The following PTPRM variants were observed in gnomAD, a reference collection of about 807,000 sequenced individuals.
PTPRM encodes protein tyrosine phosphatase receptor type M.
PTPRM carries 47 observed loss-of-function variants against 186.7 expected under a neutral mutation model. The observed-to-expected ratio is 0.25, with a 90% CI of 0.20 to 0.32. PTPRM has a LOEUF of 0.32. Among genes scored for constraint, PTPRM ranks in the 10% least tolerant of loss-of-function variants. PTPRM has a pLI of 1.00. For synonymous variants in PTPRM, 668 were observed against 674.9 expected (o/e 0.99, Z 0.16); for missense variants, 1,494 against 1,865.0 (o/e 0.80, Z 3.66).
At chr18:7,737,658 G>T (rs768922541) in intron 1 of PTPRM, among the ~76,000 whole-genome samples, 1 of 152,208 alleles carries the variant, frequency 6.6e-6, no homozygotes, top group Non-Finnish European at 1.5e-5. Context: ...TGTGTGTTCA[G>T]TGCTGGGGCC....
At chr18:7,876,138 G>A (rs1263292345) in intron 2 of PTPRM, among the ~76,000 whole-genome samples, 1 of 146,152 alleles carries the variant, frequency 6.8e-6, no homozygotes, top group Admixed American at 6.7e-5. Context: ...GTGTGTGTGT[G>A]CATGTGTGTG....
intron 14 of PTPRM, among the ~76,000 whole-genome samples, chr18:8,219,516 GA>G (rs1343627024): frequency 2.0e-5 from 3 of 151,912 alleles, no homozygotes; most frequent in Non-Finnish European, 4.4e-5. Context: ...GTGGCCCAAG[GA>G]AAAACAGTCT....
At chr18:7,954,206 C>T (rs1383483042) in intron 6 of PTPRM, among the ~76,000 whole-genome samples, 2 of 152,224 alleles carry the variant, frequency 1.3e-5, no homozygotes, top group East Asian at 1.9e-4. Context: ...AGGAAAGAGT[C>T]GGTCTCAGAT....
intron 22 of PTPRM, among the ~76,000 whole-genome samples, chr18:8,343,213 A>C (rs2095485175): frequency 6.6e-6 from 1 of 152,240 alleles, no homozygotes; most frequent in Admixed American, 6.5e-5. Flanking sequence ...TGATGACATG[A>C]GAAAATTCAG....
chr18:8,174,963 C>T (rs1012287024), intron 14 of PTPRM, among the ~76,000 whole-genome samples: 1 of 152,266 alleles, frequency 6.6e-6, no homozygotes, highest in African/African-American at 2.4e-5. Context: ...AACTCAATAT[C>T]ACTTTCCATT....
intron 1 of PTPRM, among the ~76,000 whole-genome samples, chr18:7,610,371 A>C (rs2037642839): frequency 1.3e-5 from 2 of 151,964 alleles, no homozygotes; most frequent in Non-Finnish European, 2.9e-5. Context: ...TCCGTTTTAG[A>C]ATTTTTTTTT....
intron 2 of PTPRM, among the ~76,000 whole-genome samples, chr18:7,826,572 G>A (rs577945453): frequency 6.6e-6 from 1 of 152,266 alleles, no homozygotes; most frequent in African/African-American, 2.4e-5. Context: ...TAAAGATGTT[G>A]AATATTTCAT....
chr18:8,083,680 C>T (rs572324781), intron 9 of PTPRM, among the ~76,000 whole-genome samples: 11 of 152,268 alleles, frequency 7.2e-5, no homozygotes, highest in African/African-American at 2.6e-4. Context: ...TATTTACCTG[C>T]TGGCCATGGT....
At chr18:8,115,451 C>T (rs917123062) in intron 13 of PTPRM, among the ~76,000 whole-genome samples, 12 of 152,228 alleles carry the variant, frequency 7.9e-5, no homozygotes, top group East Asian at 1.9e-4. Context: ...CAAGTGCAGA[C>T]GTGTGTTTGT....
At chr18:8,401,011 T>A (rs1023342571) in intron 32 of PTPRM, among the ~76,000 whole-genome samples, 7 of 152,158 alleles carry the variant, frequency 4.6e-5, no homozygotes, top group South Asian at 4.2e-4. Context: ...GAGGAAGGTT[T>A]GTAATAATTT....
At chr18:7,960,265 A>C (rs2053570794) in intron 7 of PTPRM, among the ~76,000 whole-genome samples, 1 of 152,080 alleles carries the variant, frequency 6.6e-6, no homozygotes, top group Non-Finnish European at 1.5e-5. Context: ...TGTGTCCTTT[A>C]GCATTAATAT....
At chr18:7,612,238 G>GT (rs1016602303) in intron 1 of PTPRM, among the ~76,000 whole-genome samples, 4 of 152,096 alleles carry the variant, frequency 2.6e-5, no homozygotes, top group African/African-American at 9.7e-5. Context: ...TTATGCTACA[G>GT]TTTACTTTTG....
At chr18:7,701,469 G>A (rs113965693) in intron 1 of PTPRM, among the ~76,000 whole-genome samples, 21 of 147,908 alleles carry the variant, frequency 1.4e-4, no homozygotes, top group South Asian at 2.2e-4. Flanking sequence ...GCGTGGTGGC[G>A]CGTGCGTGTA....
chr18:7,629,480 A>G (rs961077202), intron 1 of PTPRM, among the ~76,000 whole-genome samples: 1 of 152,178 alleles, frequency 6.6e-6, no homozygotes, highest in African/African-American at 2.4e-5. Flanking sequence ...AATCAACACA[A>G]TAGGGGACCT....
intron 19 of PTPRM, among the ~76,000 whole-genome samples, chr18:8,281,106 C>G (rs1259996490): frequency 6.6e-6 from 1 of 152,208 alleles, no homozygotes; most frequent in African/African-American, 2.4e-5. Context: ...GAAGGGCCCC[C>G]TGCTCAATGA....
At chr18:8,035,588 A>G (rs2086271421) in intron 7 of PTPRM, among the ~76,000 whole-genome samples, 4 of 151,986 alleles carry the variant, frequency 2.6e-5, no homozygotes, top group African/African-American at 9.7e-5. Context: ...TTTTTCCCCC[A>G]ATATTTTTGG....
rs1371267114 is a variant in PTPRM at position 7,705,278 on chromosome 18, T to TC, written c.74-68871_74-68870insC. On this transcript the variant is annotated intron_variant, in intron 1 of 32. Transcript: ENST00000580170. Reference sequence around the variant, plus strand: ...TATCTAAAATATTTGAAAATATCTATTTATCTATCTATCTATCTATCTATC... The same window carrying TC: ...TATCTAAAATATTTGAAAATATCTATCTTATCTATCTATCTATCTATCTATC... 6.2e-4 allele frequency among the ~76,000 whole-genome samples: 82 copies of TC among 132,972 alleles called. 1 individual carries two copies. The highest frequency in any genetic ancestry group is 2.3e-4 in the East Asian group (1 of 4,396). The allele number at this position is 132,972 out of a possible 152,430, so 87.2% of individuals were successfully genotyped here.
Position 7,774,299 on chromosome 18 carries a change from T to G in PTPRM, c.196+28T>G, listed in dbSNP as rs201601431. On this transcript the variant is annotated intron_variant, in intron 2 of 32. Transcript: ENST00000580170. ...TTGCTTTTAGTTTTAAGTTTTGTTTTAAAGAGGAACACAAGAGTCTCAATC... is the reference window on the plus strand; with the variant it reads ...TTGCTTTTAGTTTTAAGTTTTGTTTGAAAGAGGAACACAAGAGTCTCAATC... The G allele has an allele frequency of 6.9e-4, 1,118 of 1,610,868 alleles. 6 individuals are homozygous for G. Among genetic ancestry groups the G allele is most frequent in the Non-Finnish European group, 6.9e-4 (818 of 1,177,962 alleles).
At chr18:7,717,230 A>G (rs965374559) in intron 1 of PTPRM, among the ~76,000 whole-genome samples, 2 of 152,018 alleles carry the variant, frequency 1.3e-5, no homozygotes, top group African/African-American at 4.8e-5. Flanking sequence ...TTTTCCTAAA[A>G]CACCCATGGC....
Sources: allele counts gnomAD v4.1 joint callset (sites outside exome capture counted in the v4.1 genomes callset), GRCh38; gene constraint gnomAD v4.1.1; transcripts MANE v1.5; gene names NCBI Gene and HGNC (gene_info 2026-07-23, HGNC 2026-07-21).